Variants in INSC observed in about 807,000 individuals in gnomAD.
The protein encoded by INSC is protein inscuteable homolog.
INSC carries 67 observed loss-of-function variants against 58.6 expected under a neutral mutation model. The ratio of observed to expected loss-of-function variants is 1.14; its 90% CI spans 0.94 to 1.40. The LOEUF is 1.40. INSC is among the 40% of genes most tolerant of loss of function. The probability of loss-of-function intolerance (pLI) is 0.00; values close to 1 mark genes in which losing one functional copy is unlikely to be tolerated. For missense variants in INSC, 714 were observed against 692.0 expected, an observed-to-expected ratio of 1.03 and a Z score of -0.36; for synonymous variants, 262 against 276.1, an observed-to-expected ratio of 0.95 and a Z score of 0.51.
the INSC span, among the ~76,000 whole-genome samples, chr11:15,265,134 A>C: frequency 6.6e-6 from 1 of 152,122 alleles, no homozygotes; most frequent in East Asian, 1.9e-4. Context: ...GATTAAGAAA[A>C]ATAAGTTTAA....
chr11:15,185,071 C>G (rs1849914404), intron 5 of INSC, among the ~76,000 whole-genome samples: 1 of 152,204 alleles, frequency 6.6e-6, no homozygotes, highest in African/African-American at 2.4e-5. Context: ...ATGAACACCT[C>G]TAAAGATTGG....
chr11:15,224,475 G>A (rs983346680), intron 8 of INSC, among the ~76,000 whole-genome samples: 23 of 152,186 alleles, frequency 1.5e-4, no homozygotes, highest in Admixed American at 7.9e-4. Context: ...AAGAACTAGG[G>A]ACCAGGATAG....
At chr11:15,216,365 T>G (rs188228326) in intron 7 of INSC, among the ~76,000 whole-genome samples, 255 of 152,310 alleles carry the variant, frequency 1.7e-3, no homozygotes, top group African/African-American at 5.5e-3. Flanking sequence ...TCAAATCCTT[T>G]GTAAGCATAT....
intron 1 of INSC, among the ~76,000 whole-genome samples, chr11:15,133,718 A>G (rs548582256): frequency 1.3e-5 from 2 of 152,362 alleles, no homozygotes; most frequent in East Asian, 1.9e-4. Flanking sequence ...AAACAAAACA[A>G]CACAACAACA....
At chr11:15,217,226 G>A (rs1013160243) in intron 7 of INSC, among the ~76,000 whole-genome samples, 38 of 152,182 alleles carry the variant, frequency 2.5e-4, no homozygotes, top group African/African-American at 8.0e-4. Flanking sequence ...GCAAGGAGAA[G>A]TGCAGAGCAA....
At chr11:15,142,414 C>T (rs1276687604) in intron 1 of INSC, among the ~76,000 whole-genome samples, 1 of 152,238 alleles carries the variant, frequency 6.6e-6, no homozygotes, top group Non-Finnish European at 1.5e-5. Context: ...GTGCCCTGCA[C>T]GCTCTTCCTT....
At chr11:15,240,230 C>T (rs144533134) in intron 11 of INSC, among the ~76,000 whole-genome samples, 4 of 152,282 alleles carry the variant, frequency 2.6e-5, no homozygotes, top group Non-Finnish European at 2.9e-5. Flanking sequence ...AATGTTAACC[C>T]GCATCTGTGG....
At chr11:15,170,591 T>G (rs1849362882) in intron 2 of INSC, among the ~76,000 whole-genome samples, 1 of 152,210 alleles carries the variant, frequency 6.6e-6, no homozygotes, top group Non-Finnish European at 1.5e-5. Flanking sequence ...TTGGTGAGGT[T>G]AAACTTGATC....
chr11:15,111,593 T>C (rs866553321), upstream of INSC, among the ~76,000 whole-genome samples: 6 of 152,328 alleles, frequency 3.9e-5, no homozygotes, highest in Middle Eastern at 3.4e-3. Context: ...CCTCTGAGCA[T>C]GTGCATGTGT....
At chr11:15,120,545 AG>A (rs1199732443) in intron 1 of INSC, among the ~76,000 whole-genome samples, 5 of 152,200 alleles carry the variant, frequency 3.3e-5, no homozygotes, top group Non-Finnish European at 7.3e-5. Context: ...AGCACGTGTG[AG>A]GGCACACAAG....
At chr11:15,230,013 A>ATATATATATATATATATATGTGTAT (rs1491490993) in intron 9 of INSC, among the ~76,000 whole-genome samples, 2 of 23,862 alleles carry the variant, frequency 8.4e-5, no homozygotes, top group African/African-American at 3.5e-4. Flanking sequence ...ATATATATAT[A>ATATATATATATATATATATGTGTAT]ATATATATAT....
chr11:15,119,576 C>CA lies in INSC; in HGVS notation c.-46+4573_-46+4574insA, dbSNP rs1847818482. ...AGTTGTGTATACTGTTCACTTTCTG[C>CA]TGGAGAAATGAAGGTTTTGTCTTAC... On this transcript the variant is annotated intron_variant, in intron 1 of 12. Coordinates refer to ENST00000379556, the MANE Select transcript of INSC (RefSeq NM_001042536.3). 5.3e-5 allele frequency among the ~76,000 whole-genome samples: 8 copies of CA among 152,316 alleles called. No homozygotes were observed. In the South Asian group the frequency reaches 1.7e-3, roughly 32 times the overall value.
chr11:15,140,431 C>T (rs1848341377), intron 1 of INSC, among the ~76,000 whole-genome samples: 2 of 152,182 alleles, frequency 1.3e-5, no homozygotes, highest in Admixed American at 1.3e-4. Context: ...CTCTGAGGTG[C>T]TGGTGGGCCT....
At chr11:15,196,170 G>T (rs1850361875) in intron 6 of INSC, among the ~76,000 whole-genome samples, 1 of 152,176 alleles carries the variant, frequency 6.6e-6, no homozygotes, top group Non-Finnish European at 1.5e-5. Flanking sequence ...TCCAGAGCCT[G>T]CCAGGAGAAT....
upstream of INSC, among the ~76,000 whole-genome samples, chr11:15,112,134 C>T (rs1288219892): frequency 2.0e-5 from 3 of 152,194 alleles, no homozygotes; most frequent in Admixed American, 6.5e-5. Context: ...TATAGCCAGA[C>T]AGGCCCAGTC....
rs16931281 is a variant in INSC, at chr11:15,240,218, C to G, written c.1394-229C>G. ...TTAGGAATTTTGTCTGGTAAAGATTCAAATGTTAACCCGCATCTGTGGGTT... is the reference window on the plus strand; with the variant it reads ...TTAGGAATTTTGTCTGGTAAAGATTGAAATGTTAACCCGCATCTGTGGGTT... On this transcript the variant is annotated intron_variant, in intron 11 of 12. Transcript: ENST00000379556. Among the ~76,000 whole-genome samples, 156 of 152,276 alleles carry G rather than the reference C, an allele frequency of 1.0e-3. 1 individual carries two copies. Among genetic ancestry groups the G allele is most frequent in the African/African-American group, 3.5e-3 (147 of 41,568 alleles).
At chr11:15,142,945 C>T (rs1211762814) in intron 1 of INSC, among the ~76,000 whole-genome samples, 1 of 152,128 alleles carries the variant, frequency 6.6e-6, no homozygotes, top group Admixed American at 6.5e-5. Context: ...AAAGGCTCCT[C>T]CTTCCCACCG....
At chr11:15,171,976 A>T (rs780352249) in intron 2 of INSC, among the ~76,000 whole-genome samples, 13 of 152,210 alleles carry the variant, frequency 8.5e-5, no homozygotes, top group Non-Finnish European at 1.6e-4. Context: ...AGACATGGCC[A>T]CAGATGGCCA....
At chr11:15,170,702 C>T (rs1849366529) in intron 2 of INSC, among the ~76,000 whole-genome samples, 1 of 152,064 alleles carries the variant, frequency 6.6e-6, no homozygotes, top group Non-Finnish European at 1.5e-5. Context: ...CTAAGTGTAC[C>T]CATGCTCAAG....
Sources: allele counts gnomAD v4.1 joint callset (sites outside exome capture counted in the v4.1 genomes callset), GRCh38; gene constraint gnomAD v4.1.1; transcripts MANE v1.5; gene names NCBI Gene and HGNC (gene_info 2026-07-23, HGNC 2026-07-21).